CAMK1D: variants seen among roughly 807,000 people sequenced by gnomAD.
The protein encoded by CAMK1D is calcium/calmodulin dependent protein kinase ID.
CAMK1D carries 9 observed loss-of-function variants against 47.7 expected under a neutral mutation model. The ratio of observed to expected loss-of-function variants is 0.19; its 90% CI spans 0.11 to 0.33. The LOEUF is 0.33. Among genes scored for constraint, CAMK1D ranks in the 10% least tolerant of loss-of-function variants. The probability of loss-of-function intolerance (pLI) is 1.00; values close to 1 mark genes in which losing one functional copy is unlikely to be tolerated. For missense variants in CAMK1D, 291 were observed against 488.7 expected, an observed-to-expected ratio of 0.60 and a Z score of 3.81; for synonymous variants, 184 against 184.9, an observed-to-expected ratio of 0.99 and a Z score of 0.04.
chr10:12,830,964 C>CACA lies in CAMK1D; in HGVS notation c.*2078_*2079insCAA, dbSNP rs529970088. On this transcript the variant is annotated 3_prime_UTR_variant, in exon 11 of 11. Transcript: ENST00000619168. The stretch of plus-strand genomic sequence containing the variant: ...ACACACACACACACACACACACACA[C>CACA]AATGTTATTAGGCACAGCAGCTCCA... 3.3e-5 allele frequency: 3 copies of CACA among 89,730 alleles called. No homozygotes were observed. Among genetic ancestry groups the CACA allele is most frequent in the African/African-American group, 1.2e-4 (3 of 25,330 alleles). 5.6% of individuals were successfully genotyped at this position (89,730 alleles called of 1,614,324 possible).
intron 2 of CAMK1D, among the ~76,000 whole-genome samples, chr10:12,661,205 C>T (rs762912260): frequency 3.9e-5 from 6 of 152,178 alleles, no homozygotes; most frequent in Non-Finnish European, 5.9e-5. Flanking sequence ...TCTCTGCACC[C>T]ACAGAAGTGG....
At chr10:12,541,031 A>T (rs996204241) in intron 1 of CAMK1D, among the ~76,000 whole-genome samples, 1 of 152,082 alleles carries the variant, frequency 6.6e-6, no homozygotes, top group African/African-American at 2.4e-5. Flanking sequence ...GCTTTAAAAG[A>T]CACATTTTAA....
At chr10:12,564,755 C>T (rs979394492) in intron 2 of CAMK1D, among the ~76,000 whole-genome samples, 9 of 152,060 alleles carry the variant, frequency 5.9e-5, no homozygotes, top group Non-Finnish European at 8.8e-5. Context: ...ACTTGGGATA[C>T]AAACACATAA....
intron 1 of CAMK1D, among the ~76,000 whole-genome samples, chr10:12,513,475 G>T (rs1393370938): frequency 1.3e-5 from 2 of 152,062 alleles, no homozygotes; most frequent in Admixed American, 6.6e-5. Flanking sequence ...TGAGGGCAGA[G>T]CCTTTGACTT....
At chr10:12,706,756 A>G (rs1833740183) in intron 3 of CAMK1D, among the ~76,000 whole-genome samples, 2 of 151,472 alleles carry the variant, frequency 1.3e-5, no homozygotes, top group Non-Finnish European at 1.5e-5. Context: ...AAAAAAAAAA[A>G]GAATGTAGAA....
intron 1 of CAMK1D, among the ~76,000 whole-genome samples, chr10:12,472,082 G>C (rs1367947975): frequency 6.6e-6 from 1 of 151,720 alleles, no homozygotes; most frequent in African/African-American, 2.4e-5. Flanking sequence ...AGGAAAAGCT[G>C]TCTCTGAGTT....
At chr10:12,731,864 T>C (rs1356185835) in intron 3 of CAMK1D, among the ~76,000 whole-genome samples, 1 of 152,026 alleles carries the variant, frequency 6.6e-6, no homozygotes, top group Non-Finnish European at 1.5e-5. Flanking sequence ...GGGTTGCAGT[T>C]CCTGATAATG....
intron 2 of CAMK1D, among the ~76,000 whole-genome samples, chr10:12,565,355 T>C (rs1837088779): frequency 6.6e-6 from 1 of 152,042 alleles, no homozygotes; most frequent in African/African-American, 2.4e-5. Context: ...GTTCAAGCAA[T>C]TGATTCTCCT....
chr10:12,817,578 A>G (rs1832848985), intron 8 of CAMK1D, among the ~76,000 whole-genome samples: 1 of 152,274 alleles, frequency 6.6e-6, no homozygotes, highest in African/African-American at 2.4e-5. Flanking sequence ...AATGAGAATA[A>G]CAATACCTAA....
At position 12,824,394 on chromosome 10, in the gene CAMK1D, T is replaced by C. The variant is rs1008742006; in HGVS notation, c.834-71T>C. 1.6e-5 allele frequency: 21 copies of C among 1,343,398 alleles called. No homozygotes were observed. The Admixed American group carries it at 1.7e-4, about 11-fold the overall frequency. 83.2% of individuals were successfully genotyped at this position (1,343,398 alleles called of 1,614,324 possible). A position where few individuals can be genotyped will look rare whatever the true frequency, so the allele number is the denominator to read the frequency against. ...CGGCTCTCCTGAGGCTAGGTAAGAC[T>C]CCCCTTTATGGGACGCAGTGTCAGG... is the stretch of plus-strand genomic sequence containing the variant. On this transcript the variant is annotated intron_variant, in intron 8 of 10. Transcript: ENST00000619168.
chr10:12,488,123 A>G (rs369369098), intron 1 of CAMK1D, among the ~76,000 whole-genome samples: 65 of 152,226 alleles, frequency 4.3e-4, no homozygotes, highest in African/African-American at 1.4e-3. Flanking sequence ...ACAACTTGCT[A>G]TTGTACTTCA....
intron 1 of CAMK1D, among the ~76,000 whole-genome samples, chr10:12,429,701 T>A (rs1277008833): frequency 6.6e-6 from 1 of 152,156 alleles, no homozygotes. Context: ...CACCTCACTG[T>A]GCCCAGCCCT....
chr10:12,706,911 G>C (rs1295115547), intron 3 of CAMK1D, among the ~76,000 whole-genome samples: 3 of 152,060 alleles, frequency 2.0e-5, no homozygotes, highest in Non-Finnish European at 2.9e-5. Context: ...ATATCAGCAT[G>C]ATGGCCATTT....
At chr10:12,555,609 A>G (rs185337478) in intron 2 of CAMK1D, among the ~76,000 whole-genome samples, 291 of 152,346 alleles carry the variant, frequency 1.9e-3, no homozygotes, top group African/African-American at 6.6e-3. Flanking sequence ...TCATTTTCCA[A>G]TGTGAAATCA....
intron 1 of CAMK1D, among the ~76,000 whole-genome samples, chr10:12,369,137 C>G (rs1837936147): frequency 6.6e-6 from 1 of 152,058 alleles, no homozygotes; most frequent in South Asian, 2.1e-4. Context: ...AATTGAGAGA[C>G]AGATTCCAGC....
intron 1 of CAMK1D, among the ~76,000 whole-genome samples, chr10:12,361,466 C>T (rs982505633): frequency 4.0e-5 from 6 of 150,424 alleles, no homozygotes; most frequent in African/African-American, 7.4e-5. Flanking sequence ...AGGATGGTCT[C>T]GATCTCCTGA....
rs183088125 is a variant in CAMK1D, at chr10:12,781,321, C to T, written c.566-9837C>T. 4.1e-3 allele frequency among the ~76,000 whole-genome samples: 623 copies of T among 152,382 alleles called. 2 individuals carry two copies. Among genetic ancestry groups the T allele is most frequent in the Non-Finnish European group, 6.1e-3 (414 of 68,034 alleles). On this transcript the variant is annotated intron_variant, in intron 5 of 10. Coordinates refer to ENST00000619168, the MANE Select transcript of CAMK1D (RefSeq NM_153498.4). The stretch of plus-strand genomic sequence containing the variant: ...CGTGATCACACAGCAGGTAGGCCCC[C>T]ATGGGAGACCCCAGAAGGGCCGCAC...
chr10:12,490,839 G>T (rs926133387), intron 1 of CAMK1D, among the ~76,000 whole-genome samples: 2 of 152,126 alleles, frequency 1.3e-5, no homozygotes, highest in African/African-American at 4.8e-5. Context: ...ATGTTTGCGC[G>T]TGATAGATAT....
intron 3 of CAMK1D, among the ~76,000 whole-genome samples, chr10:12,748,354 C>T (rs1224143879): frequency 2.6e-5 from 4 of 152,170 alleles, no homozygotes; most frequent in South Asian, 2.1e-4. Flanking sequence ...GAAACTCATG[C>T]GGTTGCAGGC....
Sources: allele counts gnomAD v4.1 joint callset (sites outside exome capture counted in the v4.1 genomes callset), GRCh38; gene constraint gnomAD v4.1.1; transcripts MANE v1.5; gene names NCBI Gene and HGNC (gene_info 2026-07-23, HGNC 2026-07-21).